Variants in TMEM106B observed in about 807,000 individuals in gnomAD.
TMEM106B encodes transmembrane protein 106B.
In TMEM106B, 15 loss-of-function variants were observed where a neutral mutation model predicts 31.1. The observed-to-expected ratio is 0.48, with a 90% confidence interval of 0.32 to 0.74. TMEM106B has a LOEUF of 0.74. Ranked by LOEUF, TMEM106B falls within the 30% of genes least tolerant of loss-of-function variation. The pLI, the probability that TMEM106B is intolerant of heterozygous loss-of-function variation, is 0.03. For missense variants in TMEM106B, 283 were observed against 327.3 expected, an observed-to-expected ratio of 0.86 and a Z score of 1.04; for synonymous variants, 126 against 112.5, an observed-to-expected ratio of 1.12 and a Z score of -0.76.
At chr7:12,219,434 A>G (rs1490049426) in intron 3 of TMEM106B, among the ~76,000 whole-genome samples, 1 of 152,216 alleles carries the variant, frequency 6.6e-6, no homozygotes, top group East Asian at 1.9e-4. Flanking sequence ...TTTTCATTTA[A>G]ACATGAGCAC....
intron 3 of TMEM106B, among the ~76,000 whole-genome samples, chr7:12,223,341 C>T (rs1237016720): frequency 3.1e-5 from 3 of 96,022 alleles, no homozygotes; most frequent in Non-Finnish European, 6.0e-5. Context: ...GTGGTTGTGT[C>T]ATTTTTTTTT....
rs760243533 is a variant in TMEM106B, at chr7:12,224,252, TTGTC to T, written c.314_317del (p.Cys105TyrfsTer18). 6.2e-7 allele frequency: 1 copy of T among 1,614,002 alleles called. No homozygotes were observed. ...AAGCTGTATGTGATGGCTTCTGTGT[TTGTC>T]TGTCTACTCCTTTCTGGATTGGCTG... On this transcript the variant is annotated frameshift_variant, in exon 4 of 8. Coordinates refer to ENST00000396668, the MANE Select transcript of TMEM106B (RefSeq NM_001134232.2). LOFTEE classifies it high-confidence loss of function.
chr7:12,230,762 A>G (rs1463872675), intron 6 of TMEM106B: 1 of 327,528 alleles, frequency 3.1e-6, no homozygotes, highest in African/African-American at 2.1e-5. Flanking sequence ...ATAAGCGTAG[A>G]TACAGACTTT....
chr7:12,221,148 G>C (rs1781778029), intron 3 of TMEM106B, among the ~76,000 whole-genome samples: 1 of 151,502 alleles, frequency 6.6e-6, no homozygotes, highest in Non-Finnish European at 1.5e-5. Context: ...TAACTTAAAA[G>C]ATGAAATCAA....
At chr7:12,218,565 T>C in intron 3 of TMEM106B, 44 bp downstream of exon 3, 1 of 1,537,450 alleles carries the variant, frequency 6.5e-7, no homozygotes, top group Middle Eastern at 1.8e-4. Flanking sequence ...GTTTTATTTT[T>C]GTTTTTTGTA....
rs1236294577 is a variant in TMEM106B, at chr7:12,231,823, T to G, written c.687-14T>G. 1 of 1,585,346 alleles carries G rather than the reference T, an allele frequency of 6.3e-7. No homozygotes were observed. The highest frequency in any genetic ancestry group is 1.3e-5 in the African/African-American group (1 of 74,386). ...TAACTATTAAATGTCTCTCCTCACT[T>G]ACATTATTTTTAGAGTTACTGTGAC... On this transcript the variant is annotated splice_polypyrimidine_tract_variant and intron_variant, in intron 7 of 7. Transcript: ENST00000396668.
intron 4 of TMEM106B, among the ~76,000 whole-genome samples, chr7:12,226,190 G>A (rs1241665480): frequency 6.6e-6 from 1 of 152,076 alleles, no homozygotes; most frequent in East Asian, 1.9e-4. Flanking sequence ...GTAGATGTGT[G>A]GTATTATTTC....
At chr7:12,218,414 T>C (rs562856512) in intron 2 of TMEM106B, 44 bp from the exon 3 acceptor site, 9 of 1,535,302 alleles carry the variant, frequency 5.9e-6, no homozygotes, top group South Asian at 1.1e-5. Context: ...ATTATATTTT[T>C]AACTAATCAT....
In TMEM106B at chr7:12,234,143, T is replaced by A. The variant is rs1452686267; in HGVS notation, c.*2168T>A. On this transcript the variant is annotated 3_prime_UTR_variant, in exon 8 of 8. Transcript: ENST00000396668. ...AAAAATCAATCCTTGTTTTCTTGCT[T>A]GTGTCTTTTAACCTTGGAAAATTAC... 6.6e-6 allele frequency: 1 copy of A among 152,004 alleles called. No individual in the cohort carries two copies. Among genetic ancestry groups the A allele is most frequent in the East Asian group, 1.9e-4 (1 of 5,190 alleles). 9.4% of individuals were successfully genotyped at this position (152,004 alleles called of 1,614,324 possible). A position where few individuals can be genotyped will look rare whatever the true frequency, so the allele number is the denominator to read the frequency against.
chr7:12,232,235 G>A lies in TMEM106B; in HGVS notation c.*260G>A. ...TCCAGCCTATCCCCTACAGGGAAAA[G>A]CTGATACTTCCCCTATAGTACAATA... On this transcript the variant is annotated 3_prime_UTR_variant, in exon 8 of 8. Coordinates refer to ENST00000396668, the MANE Select transcript of TMEM106B (RefSeq NM_001134232.2). 1 of 262,410 alleles carries A rather than the reference G, an allele frequency of 3.8e-6. No individual in the cohort carries two copies. Among genetic ancestry groups the A allele is most frequent in the Non-Finnish European group, 7.3e-6 (1 of 137,756 alleles). 16.3% of individuals were successfully genotyped at this position (262,410 alleles called of 1,614,324 possible).
chr7:12,232,032 A>C lies in TMEM106B; in HGVS notation c.*57A>C. 6.5e-7 allele frequency: 1 copy of C among 1,527,438 alleles called. No individual in the cohort carries two copies. The highest frequency in any genetic ancestry group is 8.9e-7 in the Non-Finnish European group (1 of 1,120,226). 94.6% of individuals were successfully genotyped at this position (1,527,438 alleles called of 1,614,324 possible). ...ATCTATTGATATTTCCTATACTCTC[A>C]ATGAAGAGGTATTTCCTAATAGGAG... is the stretch of plus-strand genomic sequence containing the variant. On this transcript the variant is annotated 3_prime_UTR_variant, in exon 8 of 8. Coordinates refer to ENST00000396668, the MANE Select transcript of TMEM106B (RefSeq NM_001134232.2).
In TMEM106B at chr7:12,237,174, G is replaced by A. The variant is rs1233110842; in HGVS notation, c.*5199G>A. ...CCCAAAATGCTATTTTTTTAATTCAGTTATAACTGTTACTCTTGTAGTTGT... is the reference window on the plus strand; with the variant it reads ...CCCAAAATGCTATTTTTTTAATTCAATTATAACTGTTACTCTTGTAGTTGT... On this transcript the variant is annotated 3_prime_UTR_variant, in exon 8 of 8. Coordinates refer to ENST00000396668, the MANE Select transcript of TMEM106B (RefSeq NM_001134232.2). 1 of 151,838 alleles carries A rather than the reference G, an allele frequency of 6.6e-6. No individual in the cohort carries two copies. The highest frequency in any genetic ancestry group is 6.6e-5 in the Admixed American group (1 of 15,224). The allele number at this position is 151,838 out of a possible 1,614,324, so 9.4% of individuals were successfully genotyped here.
chr7:12,218,364 G>A, intron 2 of TMEM106B, 94 bp from the exon 3 acceptor site: 8 of 953,702 alleles, frequency 8.4e-6, no homozygotes, highest in East Asian at 2.6e-5. Context: ...AGTGCCAGAT[G>A]ATATTCTGGT....
Position 12,229,969 on chromosome 7 carries a change from C to T in TMEM106B, c.582+150C>T, listed in dbSNP as rs2128527374. ...CAGTGGCTCATGCCTGTGATCCCCGCACCTTGGGAGGCTGAGCTCAGTGGA... is the reference window on the plus strand; with the variant it reads ...CAGTGGCTCATGCCTGTGATCCCCGTACCTTGGGAGGCTGAGCTCAGTGGA... On this transcript the variant is annotated intron_variant, in intron 5 of 7. Transcript: ENST00000396668. 3.4e-6 allele frequency: 3 copies of T among 877,824 alleles called. No homozygotes were observed. The South Asian group carries it at 5.7e-5, about 17-fold the overall frequency. The allele number at this position is 877,824 out of a possible 1,614,324, so 54.4% of individuals were successfully genotyped here.
rs1247559798 is a variant in TMEM106B at position 12,232,389 on chromosome 7, A to G, written c.*414A>G. ...ACTGAAAGTCTATTACTCATGGAAG[A>G]CTTTTAAAGAATAACCTTTTTTCCT... On this transcript the variant is annotated 3_prime_UTR_variant, in exon 8 of 8. Transcript: ENST00000396668. 7 of 152,664 alleles carry G rather than the reference A, an allele frequency of 4.6e-5. No individual in the cohort carries two copies. The East Asian group carries it at 1.2e-3, about 25-fold the overall frequency. The allele number at this position is 152,664 out of a possible 1,614,324, so 9.5% of individuals were successfully genotyped here.
In TMEM106B at chr7:12,237,898, T is replaced by C. The variant is rs1317222454; in HGVS notation, c.*5923T>C. 2 of 152,078 alleles carry C rather than the reference T, an allele frequency of 1.3e-5. No homozygotes were observed. The highest frequency in any genetic ancestry group is 1.5e-5 in the Non-Finnish European group (1 of 68,282). 9.4% of individuals were successfully genotyped at this position (152,078 alleles called of 1,614,324 possible). ...TAACGATCATCTGAATGTTCAGAAG[T>C]TTATACTCCTTTTGCCGGCACAGGA... On this transcript the variant is annotated 3_prime_UTR_variant, in exon 8 of 8. Coordinates refer to ENST00000396668, the MANE Select transcript of TMEM106B (RefSeq NM_001134232.2).
At chr7:12,212,840 T>C (rs1275558258) in intron 1 of TMEM106B, among the ~76,000 whole-genome samples, 2 of 152,240 alleles carry the variant, frequency 1.3e-5, no homozygotes, top group Non-Finnish European at 2.9e-5. Flanking sequence ...GTCTGTTTTG[T>C]TTAATCAAAT....
At chr7:12,218,576 T>C (rs906299525) in intron 3 of TMEM106B, 55 bp downstream of exon 3, 1 of 1,452,846 alleles carries the variant, frequency 6.9e-7, no homozygotes. Flanking sequence ...GTTTTTTGTA[T>C]TTTTTCAAAT....
In TMEM106B at chr7:12,243,271, C is replaced by T. The variant is rs561712459; in HGVS notation, c.*11296C>T. The T allele has an allele frequency of 4.0e-5, 6 of 151,778 alleles. No homozygotes were observed. The highest frequency in any genetic ancestry group is 4.2e-4 in the South Asian group (2 of 4,816). 9.4% of individuals were successfully genotyped at this position (151,778 alleles called of 1,614,324 possible). A position where few individuals can be genotyped will look rare whatever the true frequency, so the allele number is the denominator to read the frequency against. On this transcript the variant is annotated 3_prime_UTR_variant, in exon 8 of 8. Transcript: ENST00000396668. ...TAATGTATGAAGAAGATTGTATGAA[C>T]GATCACATTAATTCATTTAAATAGT...
Sources: gnomAD v4.1 joint callset for allele counts (sites outside exome capture counted in the v4.1 genomes callset) on GRCh38, gnomAD v4.1.1 for gene constraint, MANE v1.5 for transcripts, NCBI Gene and HGNC (gene_info 2026-07-23, HGNC 2026-07-21) for gene names.